FGF14: variants seen among roughly 807,000 people sequenced by gnomAD.
The protein encoded by FGF14 is fibroblast growth factor homologous factor 4.
FGF14 carries 5 observed loss-of-function variants against 25.5 expected under a neutral mutation model. That is an observed-to-expected ratio of 0.20 (90% CI 0.10 to 0.41). The LOEUF (loss-of-function observed/expected upper bound fraction) is 0.41. Ranked by LOEUF, FGF14 falls within the 10% of genes least tolerant of loss-of-function variation. The probability of loss-of-function intolerance (pLI) is 1.00; values close to 1 mark genes in which losing one functional copy is unlikely to be tolerated. For missense variants in FGF14, 222 were observed against 320.1 expected, an observed-to-expected ratio of 0.69 and a Z score of 2.34; for synonymous variants, 138 against 118.3, an observed-to-expected ratio of 1.17 and a Z score of -1.08.
At chr13:102,048,071 T>A (rs1392009131) in intron 1 of FGF14, among the ~76,000 whole-genome samples, 1 of 152,066 alleles carries the variant, frequency 6.6e-6, no homozygotes, top group Non-Finnish European at 1.5e-5. Flanking sequence ...AACTGAAGTT[T>A]ACTCTGAAGA....
At chr13:102,329,234 ACT>A (rs1427986241) in intron 1 of FGF14, among the ~76,000 whole-genome samples, 1 of 151,964 alleles carries the variant, frequency 6.6e-6, no homozygotes, top group East Asian at 1.9e-4. Context: ...AACTTCTCTG[ACT>A]CTACCCTTCA....
intron 1 of FGF14, among the ~76,000 whole-genome samples, chr13:102,070,571 A>G (rs2043113540): frequency 6.6e-6 from 1 of 152,238 alleles, no homozygotes; most frequent in Admixed American, 6.5e-5. Context: ...TCAAAGAGAT[A>G]CCTTCATTTC....
At position 101,722,303 on chromosome 13, in the gene FGF14, G is replaced by GATTTAGAGGA. The variant is rs2035048592; in HGVS notation, c.*518_*527dup. ...GACCTAAGCCAACTGCAACATTTAA[G>GATTTAGAGGA]ATTTAGAGGAACAAAATCCCTGCAA... On this transcript the variant is annotated 3_prime_UTR_variant, in exon 5 of 5. Transcript: ENST00000376143. 5.6e-6 allele frequency: 1 copy of GATTTAGAGGA among 177,868 alleles called. No individual in the cohort carries two copies. The highest frequency in any genetic ancestry group is 1.5e-4 in the East Asian group (1 of 6,612). 11.0% of individuals were successfully genotyped at this position (177,868 alleles called of 1,614,324 possible). A position where few individuals can be genotyped will look rare whatever the true frequency, so the allele number is the denominator to read the frequency against.
At chr13:101,786,351 A>G (rs1927715) in intron 3 of FGF14, among the ~76,000 whole-genome samples, 59,315 of 152,084 alleles carry the variant, frequency 0.39, 12,266 homozygotes, top group East Asian at 0.82. Context: ...AAGAGAAAAT[A>G]CTTTTTGTAT....
chr13:101,831,375 C>A (rs556723055), intron 3 of FGF14, among the ~76,000 whole-genome samples: 1 of 152,052 alleles, frequency 6.6e-6, no homozygotes, highest in African/African-American at 2.4e-5. Context: ...AGCCACCATA[C>A]CCAACCTGTT....
intron 1 of FGF14, among the ~76,000 whole-genome samples, chr13:102,012,275 A>C (rs2040121997): frequency 6.6e-6 from 1 of 152,192 alleles, no homozygotes; most frequent in Non-Finnish European, 1.5e-5. Context: ...TATTATGAAA[A>C]TTAAAATTTC....
intron 1 of FGF14, among the ~76,000 whole-genome samples, chr13:102,373,255 AT>A (rs2057940290): frequency 6.6e-6 from 1 of 152,126 alleles, no homozygotes; most frequent in South Asian, 2.1e-4. Flanking sequence ...AGCCTTCACT[AT>A]TCCACTCAAT....
chr13:101,741,631 C>T (rs376685823), intron 3 of FGF14, among the ~76,000 whole-genome samples: 1 of 87,386 alleles, frequency 1.1e-5, no homozygotes, highest in Non-Finnish European at 2.8e-5. Flanking sequence ...CATTTTATTA[C>T]AGTAAAAAAA....
intron 1 of FGF14, among the ~76,000 whole-genome samples, chr13:102,139,954 G>A (rs557674743): frequency 6.6e-6 from 1 of 151,846 alleles, no homozygotes; most frequent in South Asian, 2.1e-4. Context: ...GAAACACAGT[G>A]GATTGAAAAT....
At chr13:102,009,213 C>T (rs1861385020) in intron 1 of FGF14, among the ~76,000 whole-genome samples, 2 of 152,096 alleles carry the variant, frequency 1.3e-5, no homozygotes, top group African/African-American at 4.8e-5. Flanking sequence ...TGCTTGAAAT[C>T]ATATTTTGTA....
chr13:102,209,264 A>T (rs2050065994), intron 1 of FGF14, among the ~76,000 whole-genome samples: 1 of 152,210 alleles, frequency 6.6e-6, no homozygotes, highest in African/African-American at 2.4e-5. Context: ...ATTTGTAATG[A>T]ACCAAATCCT....
intron 3 of FGF14, among the ~76,000 whole-genome samples, chr13:101,838,052 T>C (rs2043009983): frequency 6.6e-6 from 1 of 151,990 alleles, no homozygotes; most frequent in Middle Eastern, 3.2e-3. Context: ...TCTTCAGCTT[T>C]GGGATTCGGA....
rs989908593 is a variant in FGF14 at position 101,914,268 on chromosome 13, TAA to T, written c.193+2183_193+2184del. 3.5e-3 allele frequency among the ~76,000 whole-genome samples: 532 copies of T among 151,426 alleles called. 4 individuals carry two copies. Among genetic ancestry groups the T allele is most frequent in the African/African-American group, 0.012 (510 of 41,428 alleles). On this transcript the variant is annotated intron_variant, in intron 1 of 4. Transcript: ENST00000376143. ...ATGTCGATATATAATTTACATAACA[TAA>T]AGTCTTAATATTTGTTTTGCTTAAA... is the stretch of plus-strand genomic sequence containing the variant.
chr13:101,733,466 A>G (rs2035947884), intron 3 of FGF14, among the ~76,000 whole-genome samples: 1 of 151,926 alleles, frequency 6.6e-6, no homozygotes, highest in Non-Finnish European at 1.5e-5. Context: ...GTAGTGGCAC[A>G]TGCCTGTAGT....
chr13:102,130,635 C>A (rs971559416), intron 1 of FGF14, among the ~76,000 whole-genome samples: 3 of 152,020 alleles, frequency 2.0e-5, no homozygotes, highest in African/African-American at 7.2e-5. Context: ...TTGGCAATGA[C>A]GGTTCTACCT....
Position 102,049,312 on chromosome 13 carries a change from A to G in FGF14, c.209-174016T>C, listed in dbSNP as rs2042119260. ...AATAAATGTGCTCTTTCTAGACAAA[A>G]ATAAATCTGAAAATCAAATTTTTAT... On this transcript the variant is annotated intron_variant, in intron 1 of 4. Transcript: ENST00000376131. Among the ~76,000 whole-genome samples, 3 of 152,298 alleles carry G rather than the reference A, an allele frequency of 2.0e-5. No homozygotes were observed. In the South Asian group the frequency reaches 6.2e-4, roughly 32 times the overall value.
At chr13:101,856,004 T>G (rs989298988) in intron 3 of FGF14, among the ~76,000 whole-genome samples, 8 of 151,702 alleles carry the variant, frequency 5.3e-5, no homozygotes, top group Non-Finnish European at 1.2e-4. Flanking sequence ...TTAAATTAAA[T>G]AAAGTCTCAC....
chr13:102,092,503 C>T (rs2044210324), intron 1 of FGF14, among the ~76,000 whole-genome samples: 1 of 152,112 alleles, frequency 6.6e-6, no homozygotes, highest in African/African-American at 2.4e-5. Context: ...ATGGGTCTTC[C>T]ACACTGAAAG....
At chr13:101,908,353 T>G (rs570600356) in intron 1 of FGF14, among the ~76,000 whole-genome samples, 2 of 152,298 alleles carry the variant, frequency 1.3e-5, no homozygotes, top group East Asian at 3.9e-4. Context: ...TTGTTTCCGA[T>G]TCCTCATCTG....
Sources: gnomAD v4.1 joint callset for allele counts (sites outside exome capture counted in the v4.1 genomes callset) on GRCh38, gnomAD v4.1.1 for gene constraint, MANE v1.5 for transcripts, NCBI Gene and HGNC (gene_info 2026-07-23, HGNC 2026-07-21) for gene names.